Variants in PAPPA2 observed in about 807,000 individuals in gnomAD.
PAPPA2 encodes pappalysin-2.
Under a neutral mutation model 176.4 loss-of-function variants are expected in PAPPA2, and 86 were observed. That is an observed-to-expected ratio of 0.49 (90% CI 0.41 to 0.58). The LOEUF is 0.58. Among genes scored for constraint, PAPPA2 ranks in the 20% least tolerant of loss-of-function variants. The pLI is 0.00. For synonymous variants in PAPPA2, 809 were observed against 852.2 expected, an observed-to-expected ratio of 0.95 and a Z score of 0.88; for missense variants, 2,073 against 2,256.9, an observed-to-expected ratio of 0.92 and a Z score of 1.65.
At chr1:176,536,678 T>C (rs1489667528) in intron 1 of PAPPA2, among the ~76,000 whole-genome samples, 1 of 152,216 alleles carries the variant, frequency 6.6e-6, no homozygotes, top group Non-Finnish European at 1.5e-5. Context: ...CTCAAGACCA[T>C]GGCAAAGCAG....
intron 3 of PAPPA2, among the ~76,000 whole-genome samples, chr1:176,639,239 A>G (rs1656919886): frequency 6.6e-6 from 1 of 151,914 alleles, no homozygotes. Flanking sequence ...TTTGTTCCAA[A>G]TACTAGAGTT....
intron 2 of PAPPA2, among the ~76,000 whole-genome samples, chr1:176,584,388 A>G (rs1573079092): frequency 6.6e-6 from 1 of 150,532 alleles, no homozygotes; most frequent in South Asian, 2.1e-4. Context: ...CTGTTATTAT[A>G]TAATGCATTT....
At chr1:176,624,871 C>T (rs898751785) in intron 3 of PAPPA2, among the ~76,000 whole-genome samples, 1 of 152,080 alleles carries the variant, frequency 6.6e-6, no homozygotes, top group Non-Finnish European at 1.5e-5. Context: ...AGCAACTTAA[C>T]CAGGTTGCAG....
At chr1:176,831,281 C>A (rs985386656) in intron 21 of PAPPA2, among the ~76,000 whole-genome samples, 1 of 152,166 alleles carries the variant, frequency 6.6e-6, no homozygotes, top group African/African-American at 2.4e-5. Flanking sequence ...ACCTTACCAT[C>A]AGCAAGGCCT....
chr1:176,729,194 T>C (rs964584250), intron 12 of PAPPA2, among the ~76,000 whole-genome samples: 1 of 152,090 alleles, frequency 6.6e-6, no homozygotes, highest in Non-Finnish European at 1.5e-5. Flanking sequence ...GGATCTACTT[T>C]TAAATACATG....
At chr1:176,497,445 C>T (rs6677088) in intron 1 of PAPPA2, among the ~76,000 whole-genome samples, 12,143 of 152,128 alleles carry the variant, frequency 0.08, 600 homozygotes, top group South Asian at 0.16. Context: ...ATGAAAAACT[C>T]GACTCTTAAG....
At chr1:176,486,362 T>C (rs1321947543) in intron 1 of PAPPA2, among the ~76,000 whole-genome samples, 2 of 152,196 alleles carry the variant, frequency 1.3e-5, no homozygotes, top group Non-Finnish European at 2.9e-5. Flanking sequence ...TGCCAGAGCC[T>C]GGGATATTTT....
intron 2 of PAPPA2, among the ~76,000 whole-genome samples, chr1:176,585,452 G>A (rs1653250272): frequency 3.9e-5 from 6 of 152,074 alleles, no homozygotes; most frequent in Admixed American, 3.9e-4. Flanking sequence ...ACTCAAATAT[G>A]CCTTGGAGAG....
At position 176,841,024 on chromosome 1, in the gene PAPPA2, G is replaced by A. The variant is rs184631955; in HGVS notation, c.5301+753G>A. On this transcript the variant is annotated intron_variant, in intron 22 of 22. Coordinates refer to ENST00000367662, the MANE Select transcript of PAPPA2 (RefSeq NM_020318.3). ...AATACTACATCTCTCACTCGCTAAT[G>A]TTTAATCCTTACTCAATATGTGGCA... Among the ~76,000 whole-genome samples, 316 of 152,290 alleles carry A rather than the reference G, an allele frequency of 2.1e-3. 1 individual carries two copies. The highest frequency in any genetic ancestry group is 3.6e-3 in the Non-Finnish European group (242 of 68,034).
intron 3 of PAPPA2, among the ~76,000 whole-genome samples, chr1:176,600,398 C>T (rs1036307001): frequency 5.9e-5 from 9 of 152,114 alleles, no homozygotes; most frequent in African/African-American, 1.9e-4. Flanking sequence ...AGAGCTCGGC[C>T]GGGCGCGGTG....
At chr1:176,479,500 T>C (rs1197225793) in intron 1 of PAPPA2, among the ~76,000 whole-genome samples, 3 of 152,098 alleles carry the variant, frequency 2.0e-5, no homozygotes, top group Non-Finnish European at 4.4e-5. Context: ...CCCCCTGACT[T>C]AGAGGACTGC....
At chr1:176,470,575 C>A (rs934003712) in intron 1 of PAPPA2, among the ~76,000 whole-genome samples, 1 of 152,126 alleles carries the variant, frequency 6.6e-6, no homozygotes, top group Non-Finnish European at 1.5e-5. Context: ...GCATGGAACA[C>A]TCCTAGAGAA....
intron 20 of PAPPA2, among the ~76,000 whole-genome samples, chr1:176,796,566 C>G (rs1271531530): frequency 6.6e-6 from 1 of 152,118 alleles, no homozygotes; most frequent in Admixed American, 6.5e-5. Flanking sequence ...TTATGACCAT[C>G]CTAGTAACCT....
chr1:176,530,768 A>G (rs1649766138), intron 1 of PAPPA2, among the ~76,000 whole-genome samples: 1 of 152,210 alleles, frequency 6.6e-6, no homozygotes, highest in South Asian at 2.1e-4. Context: ...CATGAGTTGG[A>G]AAAATGACAT....
intron 2 of PAPPA2, among the ~76,000 whole-genome samples, chr1:176,574,098 A>G (rs1652509554): frequency 6.6e-6 from 1 of 152,294 alleles, no homozygotes; most frequent in Middle Eastern, 3.4e-3. Flanking sequence ...TATTTTTACC[A>G]TAGGCAAGAT....
intron 14 of PAPPA2, among the ~76,000 whole-genome samples, chr1:176,755,727 C>G (rs1042152112): frequency 2.0e-5 from 3 of 152,112 alleles, no homozygotes; most frequent in African/African-American, 7.2e-5. Flanking sequence ...TTGAACAGCA[C>G]ATGGATTAGG....
At chr1:176,730,322 AT>A (rs1662077438) in intron 12 of PAPPA2, among the ~76,000 whole-genome samples, 1 of 151,316 alleles carries the variant, frequency 6.6e-6, no homozygotes, top group Admixed American at 6.6e-5. Flanking sequence ...ATTTTTTTCT[AT>A]TTTTTCCAAT....
intron 3 of PAPPA2, among the ~76,000 whole-genome samples, chr1:176,659,834 G>A (rs368783707): frequency 2.4e-4 from 36 of 152,096 alleles, no homozygotes; most frequent in African/African-American, 8.7e-4. Flanking sequence ...TCTAGTGTTA[G>A]GGATGTCATT....
At chr1:176,788,078 G>T (rs1028100292) in intron 17 of PAPPA2, among the ~76,000 whole-genome samples, 5 of 150,652 alleles carry the variant, frequency 3.3e-5, no homozygotes, top group African/African-American at 4.9e-5. Flanking sequence ...AAAAGAAAAA[G>T]AAAAAAAAAG....
Sources: gnomAD v4.1 joint callset for allele counts (sites outside exome capture counted in the v4.1 genomes callset) on GRCh38, gnomAD v4.1.1 for gene constraint, MANE v1.5 for transcripts, NCBI Gene and HGNC (gene_info 2026-07-23, HGNC 2026-07-21) for gene names.